Variants in TRIM40 observed in about 807,000 individuals in gnomAD.
TRIM40 encodes tripartite motif containing 40.
TRIM40 carries 27 observed loss-of-function variants against 26.1 expected under a neutral mutation model. The observed-to-expected ratio is 1.04, with a 90% confidence interval of 0.76 to 1.43. TRIM40 has a LOEUF of 1.43. Among genes scored for constraint, TRIM40 ranks in the 40% most tolerant of loss-of-function variants. The pLI is 0.00. For synonymous variants in TRIM40, 114 were observed against 120.0 expected, an observed-to-expected ratio of 0.95 and a Z score of 0.33; for missense variants, 289 against 307.9, an observed-to-expected ratio of 0.94 and a Z score of 0.46.
chr6:30,138,259 C>T (rs1395088997), intron 2 of TRIM40, among the ~76,000 whole-genome samples: 1 of 152,166 alleles, frequency 6.6e-6, no homozygotes. Context: ...TGGGTCATTT[C>T]CAAGCTATTG....
At chr6:30,143,114 CT>C (rs1199653496) in intron 2 of TRIM40, among the ~76,000 whole-genome samples, 1 of 151,988 alleles carries the variant, frequency 6.6e-6, no homozygotes, top group Non-Finnish European at 1.5e-5. Flanking sequence ...TTTAGTTAGT[CT>C]TCTCAACCAG....
At chr6:30,142,048 T>C (rs995230173) in intron 2 of TRIM40, among the ~76,000 whole-genome samples, 1 of 152,118 alleles carries the variant, frequency 6.6e-6, no homozygotes, top group African/African-American at 2.4e-5. Context: ...ATTATAATGG[T>C]GGACCTTATG....
intron 2 of TRIM40, 39 bp from the exon 3 acceptor site, chr6:30,145,955 C>G (rs375901278): frequency 9.6e-5 from 150 of 1,566,946 alleles, no homozygotes; most frequent in Middle Eastern, 8.7e-4. Flanking sequence ...GTGCCCCCCT[C>G]ACTCCCAGTC....
chr6:30,139,499 G>A (rs1280337576), intron 2 of TRIM40, among the ~76,000 whole-genome samples: 1 of 151,710 alleles, frequency 6.6e-6, no homozygotes, highest in Non-Finnish European at 1.5e-5. Flanking sequence ...CCCACCACCA[G>A]GCCTAGCTAA....
At chr6:30,146,875 T>A (rs1021737309) in intron 3 of TRIM40, 110 bp from the exon 4 acceptor site, 12 of 1,121,382 alleles carry the variant, frequency 1.1e-5, no homozygotes, top group Non-Finnish European at 1.5e-5. Flanking sequence ...GGCAACACCA[T>A]GAGGGCAAGA....
intron 2 of TRIM40, among the ~76,000 whole-genome samples, chr6:30,139,339 CTTTTTTTT>C (rs9278591): frequency 1.0e-4 from 8 of 77,872 alleles, no homozygotes; most frequent in African/African-American, 3.1e-4. Context: ...ACTTTTTTTT[CTTTTTTTT>C]TTTTTTTTTT....
At chr6:30,144,079 G>C (rs541436404) in intron 2 of TRIM40, among the ~76,000 whole-genome samples, 1 of 150,854 alleles carries the variant, frequency 6.6e-6, no homozygotes, top group South Asian at 2.1e-4. Flanking sequence ...GGGAAGCAGA[G>C]AGCAATGTTG....
intron 2 of TRIM40, 51 bp from the exon 3 acceptor site, chr6:30,145,943 G>C: frequency 1.4e-6 from 2 of 1,471,106 alleles, no homozygotes; most frequent in Non-Finnish European, 1.9e-6. Flanking sequence ...TCCTCCCAGT[G>C]GGTGCCCCCC....
At chr6:30,138,031 C>T (rs975765800) in intron 2 of TRIM40, among the ~76,000 whole-genome samples, 1 of 151,918 alleles carries the variant, frequency 6.6e-6, no homozygotes, top group African/African-American at 2.4e-5. Flanking sequence ...TTTGTACATC[C>T]TTCCAAAAAA....
rs1186979391 is a variant in TRIM40 at position 30,147,958 on chromosome 6, A to G, written c.*146A>G. 17 of 668,328 alleles carry G rather than the reference A, an allele frequency of 2.5e-5. No homozygotes were observed. Among genetic ancestry groups the G allele is most frequent in the Non-Finnish European group, 3.7e-5 (14 of 378,412 alleles). 41.4% of individuals were successfully genotyped at this position (668,328 alleles called of 1,614,324 possible). ...AACATGTCACCATTTCTTCATGTCC[A>G]CAGTCATCACCTGATGCCTGACCCT... On this transcript the variant is annotated 3_prime_UTR_variant, in exon 6 of 6. Transcript: ENST00000396581.
chr6:30,138,196 T>C (rs1771131925), intron 2 of TRIM40, among the ~76,000 whole-genome samples: 1 of 152,228 alleles, frequency 6.6e-6, no homozygotes, highest in African/African-American at 2.4e-5. Context: ...TGAATTATTT[T>C]CAAGAACTGT....
rs771907760 is a variant in TRIM40, at chr6:30,147,082, G to A, written c.539G>A (p.Gly180Asp). 52 of 1,613,958 alleles carry A rather than the reference G, an allele frequency of 3.2e-5. No individual in the cohort carries two copies. Among genetic ancestry groups the A allele is most frequent in the African/African-American group, 1.3e-5 (1 of 74,934 alleles). ...QLGALPQQWL[G>D]QLEHMPAEAA... ...GGTGCCCTCCCTCAGCAGTGGCTGG[G>A]CCAGCTGGAGCACATGCCAGCAGAA... is the stretch of plus-strand genomic sequence containing the variant. Residue 180 changes from glycine to aspartate, a missense_variant, in exon 4 of 6, where the codon GGC (glycine) becomes GAC (aspartate). Gly to Asp is a moderately conservative substitution (Grantham distance 94, BLOSUM62 -1). Coordinates refer to ENST00000396581, the MANE Select transcript of TRIM40 (RefSeq NM_001286633.2).
At position 30,140,301 on chromosome 6, in the gene TRIM40, CAA is replaced by C. The variant is rs142966327; in HGVS notation, c.345+2922_345+2923del. Among the ~76,000 whole-genome samples, 1,315 of 152,266 alleles carry C rather than the reference CAA, an allele frequency of 8.6e-3. 8 individuals are homozygous for C. The highest frequency in any genetic ancestry group is 0.027 in the Middle Eastern group (8 of 294). The stretch of plus-strand genomic sequence containing the variant: ...TTTATTGTGGCATGGTTCACAATAG[CAA>C]AGACTTGGAACCAACCCAAATGCCC... On this transcript the variant is annotated intron_variant, in intron 2 of 5. Coordinates refer to ENST00000396581, the MANE Select transcript of TRIM40 (RefSeq NM_001286633.2).
Position 30,146,102 on chromosome 6 carries a change from G to A in TRIM40, c.441+13G>A. On this transcript the variant is annotated intron_variant, in intron 3 of 5. Coordinates refer to ENST00000396581, the MANE Select transcript of TRIM40 (RefSeq NM_001286633.2). ...GCAGGCTCTGCAGGTGGGTTTTTCG[G>A]GTTCCTGGGAAGGACTCCCTGGAGT... is the stretch of plus-strand genomic sequence containing the variant. The A allele has an allele frequency of 6.2e-7, 1 of 1,609,052 alleles. No individual in the cohort carries two copies. The highest frequency in any genetic ancestry group is 8.5e-7 in the Non-Finnish European group (1 of 1,177,580).
chr6:30,147,567 C>G (rs773672754), intron 5 of TRIM40, 25 bp downstream of exon 5: 2 of 1,614,180 alleles, frequency 1.2e-6, no homozygotes, highest in Non-Finnish European at 1.7e-6. Context: ...TTCTTCTTTC[C>G]CACATGTGCA....
intron 2 of TRIM40, among the ~76,000 whole-genome samples, chr6:30,145,769 AG>A: frequency 6.6e-6 from 1 of 152,244 alleles, no homozygotes. Flanking sequence ...TGTACTTCTA[AG>A]ACTGTAAAAA....
intron 2 of TRIM40, among the ~76,000 whole-genome samples, chr6:30,142,053 CT>C (rs1247350450): frequency 2.0e-5 from 3 of 151,852 alleles, no homozygotes; most frequent in Non-Finnish European, 4.4e-5. Flanking sequence ...AATGGTGGAC[CT>C]TATGTGTACT....
chr6:30,146,838 G>A (rs1771692620), intron 3 of TRIM40, 147 bp from the exon 4 acceptor site: 1 of 743,532 alleles, frequency 1.3e-6, no homozygotes, highest in Non-Finnish European at 2.2e-6. Context: ...AATCAAAGCT[G>A]CTTCTGCTAT....
Position 30,136,664 on chromosome 6 carries a change from G to A in TRIM40, c.-304-69G>A, listed in dbSNP as rs760985219. On this transcript the variant is annotated intron_variant, in intron 1 of 5. Transcript: ENST00000396581. ...ACCTTGCCCTTTTAATTTGGGGCCC[G>A]TGCAAATATTCACTGAAAGCTGTCA... 15 of 255,046 alleles carry A rather than the reference G, an allele frequency of 5.9e-5. No individual in the cohort carries two copies. In the South Asian group the frequency reaches 6.4e-4, roughly 11 times the overall value. The allele number at this position is 255,046 out of a possible 1,614,324, so 15.8% of individuals were successfully genotyped here.
Sources: gnomAD v4.1 joint callset for allele counts (sites outside exome capture counted in the v4.1 genomes callset) on GRCh38, gnomAD v4.1.1 for gene constraint, MANE v1.5 for transcripts, NCBI Gene and HGNC (gene_info 2026-07-23, HGNC 2026-07-21) for gene names.